The following NPAS3 variants were observed in gnomAD, a reference collection of about 807,000 sequenced individuals.
NPAS3 encodes the protein neuronal PAS domain protein 3, also known as neuronal PAS domain-containing protein 3.
In NPAS3, 14 loss-of-function variants were observed where a neutral mutation model predicts 73.1. The ratio of observed to expected loss-of-function variants is 0.19; its 90% CI spans 0.13 to 0.30. The LOEUF (loss-of-function observed/expected upper bound fraction) is 0.30, where lower values mean the gene tolerates loss of function less well. Ranked by LOEUF, NPAS3 falls within the 10% of genes least tolerant of loss-of-function variation. The pLI is 1.00. For missense variants in NPAS3, 1,096 were observed against 1,250.0 expected (o/e 0.88, Z 1.86); for synonymous variants, 620 against 541.5 (o/e 1.14, Z -2.01).
intron 2 of NPAS3, among the ~76,000 whole-genome samples, chr14:33,061,450 C>A (rs1566517365): frequency 2.0e-5 from 3 of 152,316 alleles, no homozygotes; most frequent in East Asian, 1.9e-4. Context: ...CTGCTTCAAG[C>A]CTTTCGATAT....
chr14:33,398,639 A>G lies in NPAS3; in HGVS notation c.468+31371A>G, dbSNP rs530159179. Among the ~76,000 whole-genome samples, 5 of 152,236 alleles carry G rather than the reference A, an allele frequency of 3.3e-5. No individual in the cohort carries two copies. The East Asian group carries it at 9.7e-4, about 29-fold the overall frequency. On this transcript the variant is annotated intron_variant, in intron 4 of 11. Coordinates refer to ENST00000356141, the Ensembl canonical transcript of NPAS3. The stretch of plus-strand genomic sequence containing the variant: ...AAATGTACTCTGGCCCTAAATAAGT[A>G]CAGATTTTTAAAGATATGTGACATA...
intron 2 of NPAS3, among the ~76,000 whole-genome samples, chr14:33,095,681 T>A (rs1232903532): frequency 2.1e-5 from 3 of 143,492 alleles, no homozygotes; most frequent in Admixed American, 2.1e-4. Context: ...TTTTTTTTTT[T>A]TTTTTGAGAG....
At chr14:33,522,834 T>G (rs2053616937) in intron 4 of NPAS3, among the ~76,000 whole-genome samples, 1 of 152,146 alleles carries the variant, frequency 6.6e-6, no homozygotes, top group Non-Finnish European at 1.5e-5. Flanking sequence ...GAGTGAATGG[T>G]GCTTGCGGTG....
chr14:32,938,043 CG>C (rs1183762900), upstream of NPAS3, among the ~76,000 whole-genome samples: 1 of 152,144 alleles, frequency 6.6e-6, no homozygotes, highest in Non-Finnish European at 1.5e-5. Flanking sequence ...TCCCAAGTCC[CG>C]GGACCCGAGT....
At chr14:32,997,242 C>T (rs1007736311) in intron 1 of NPAS3, among the ~76,000 whole-genome samples, 3 of 152,180 alleles carry the variant, frequency 2.0e-5, no homozygotes, top group African/African-American at 7.2e-5. Flanking sequence ...TAGGAAGTAA[C>T]TAACTTGCTT....
intron 4 of NPAS3, among the ~76,000 whole-genome samples, chr14:33,484,610 T>A (rs1468071789): frequency 6.6e-6 from 1 of 152,160 alleles, no homozygotes; most frequent in East Asian, 1.9e-4. Flanking sequence ...TAGTACATGC[T>A]TAGAGAGATG....
rs117094890 is a variant in NPAS3 at position 33,754,099 on chromosome 14, G to A, written c.852+18767G>A. On this transcript the variant is annotated intron_variant, in intron 7 of 11. Transcript: ENST00000356141. ...AGAAACATCCTCTTGGAGGTGCCCC[G>A]CGACCCCACTGGGGTGGCGGCTAGA... Among the ~76,000 whole-genome samples, 1,416 of 152,266 alleles carry A rather than the reference G, an allele frequency of 9.3e-3. 17 individuals carry two copies. The highest frequency in any genetic ancestry group is 0.016 in the Non-Finnish European group (1,112 of 68,016).
chr14:33,193,389 CT>C (rs2046239167), intron 2 of NPAS3, among the ~76,000 whole-genome samples: 1 of 152,060 alleles, frequency 6.6e-6, no homozygotes, highest in South Asian at 2.1e-4. Flanking sequence ...GAAAGAAGTA[CT>C]TTTTTGCCAT....
At chr14:33,742,334 C>T (rs577903120) in intron 7 of NPAS3, among the ~76,000 whole-genome samples, 1 of 152,252 alleles carries the variant, frequency 6.6e-6, no homozygotes, top group African/African-American at 2.4e-5. Context: ...ACAGGCATAT[C>T]TTGGAGATAC....
At chr14:33,601,516 C>G (rs1445714662) in intron 5 of NPAS3, among the ~76,000 whole-genome samples, 1 of 152,102 alleles carries the variant, frequency 6.6e-6, no homozygotes, top group Non-Finnish European at 1.5e-5. Flanking sequence ...ACTGGAAAAC[C>G]AGCTTGGAGA....
At chr14:32,936,625 G>A (rs1301558977), upstream of NPAS3, among the ~76,000 whole-genome samples, 2 of 152,180 alleles carry the variant, frequency 1.3e-5, no homozygotes, top group Non-Finnish European at 2.9e-5. Flanking sequence ...GGTCAGAAAT[G>A]TCAGATGGCC....
chr14:33,368,310 TAAA>T (rs66579296), intron 4 of NPAS3, among the ~76,000 whole-genome samples: 6 of 144,918 alleles, frequency 4.1e-5, no homozygotes, highest in Admixed American at 1.4e-4. Context: ...GATTCTGCGT[TAAA>T]AAAAAAAAAA....
At chr14:32,954,108 G>C (rs1443815453) in intron 1 of NPAS3, among the ~76,000 whole-genome samples, 1 of 152,136 alleles carries the variant, frequency 6.6e-6, no homozygotes, top group Non-Finnish European at 1.5e-5. Context: ...GCAACACAAA[G>C]TCAACAATTT....
chr14:32,976,259 TA>T (rs1183197312), intron 1 of NPAS3, among the ~76,000 whole-genome samples: 3 of 152,156 alleles, frequency 2.0e-5, no homozygotes, highest in Non-Finnish European at 4.4e-5. Flanking sequence ...GCTCTCGCAC[TA>T]GGCCTCAGTG....
chr14:33,602,663 T>C (rs1325423274), intron 5 of NPAS3, among the ~76,000 whole-genome samples: 1 of 152,038 alleles, frequency 6.6e-6, no homozygotes, highest in East Asian at 1.9e-4. Context: ...GCATTATGGG[T>C]TTGTTGGTGG....
chr14:33,088,908 CAGA>C (rs2042125362), intron 2 of NPAS3, among the ~76,000 whole-genome samples: 1 of 152,194 alleles, frequency 6.6e-6, no homozygotes, highest in Admixed American at 6.5e-5. Flanking sequence ...GATACCCAGG[CAGA>C]CAGGGTCTGG....
At chr14:33,343,052 A>G (rs1480894608) in intron 3 of NPAS3, among the ~76,000 whole-genome samples, 2 of 152,152 alleles carry the variant, frequency 1.3e-5, no homozygotes, top group Admixed American at 1.3e-4. Context: ...TCTATCTTCA[A>G]TTCCATTTCA....
At position 33,103,051 on chromosome 14, in the gene NPAS3, T is replaced by A. The variant is rs184841090; in HGVS notation, c.140+47057T>A. On this transcript the variant is annotated intron_variant, in intron 2 of 11. Transcript: ENST00000356141. The stretch of plus-strand genomic sequence containing the variant: ...AAAGTTGGTGGTGACTAGTGGTAAG[T>A]TTATAAGGAATTTAAGTTAAAAGAA... Among the ~76,000 whole-genome samples the A allele has an allele frequency of 2.0e-5, 3 of 152,274 alleles. No individual in the cohort carries two copies. In the East Asian group the frequency reaches 5.8e-4, roughly 29 times the overall value.
intron 6 of NPAS3, among the ~76,000 whole-genome samples, chr14:33,685,012 G>A (rs1036970142): frequency 6.6e-6 from 1 of 152,168 alleles, no homozygotes; most frequent in African/African-American, 2.4e-5. Flanking sequence ...GGAAGAACTT[G>A]TATCTTTTCT....
Sources: gnomAD v4.1 joint callset for allele counts (sites outside exome capture counted in the v4.1 genomes callset) on GRCh38, gnomAD v4.1.1 for gene constraint, MANE v1.5 for transcripts, NCBI Gene and HGNC (gene_info 2026-07-23, HGNC 2026-07-21) for gene names.